The following ING2 variants were observed in gnomAD, a reference collection of about 807,000 sequenced individuals.
ING2 encodes inhibitor of growth protein 2.
ING2 carries 7 observed loss-of-function variants against 30.6 expected under a neutral mutation model. The observed-to-expected ratio is 0.23, with a 90% CI of 0.13 to 0.43. The LOEUF is 0.43. Among genes scored for constraint, ING2 ranks in the 20% least tolerant of loss-of-function variants. The pLI, the probability that ING2 is intolerant of heterozygous loss-of-function variation, is 1.00. For synonymous variants in ING2, 136 were observed against 121.7 expected (o/e 1.12, Z -0.78); for missense variants, 239 against 334.9 (o/e 0.71, Z 2.24).
intron 1 of ING2, among the ~76,000 whole-genome samples, chr4:183,507,483 A>C (rs1734679430): frequency 6.6e-6 from 1 of 152,240 alleles, no homozygotes; most frequent in Non-Finnish European, 1.5e-5. Flanking sequence ...GAGGGATACT[A>C]TAATTTGTTG....
At chr4:183,505,414 C>T in intron 1 of ING2, 47 bp downstream of exon 1, 2 of 1,491,236 alleles carry the variant, frequency 1.3e-6, no homozygotes, top group East Asian at 2.7e-5. Context: ...GGCGGGGAGC[C>T]TGTCCGGGGG....
chr4:183,505,190 G>A lies in ING2; in HGVS notation c.-6G>A. 16 of 1,595,728 alleles carry A rather than the reference G, an allele frequency of 1.0e-5. No homozygotes were observed. Among genetic ancestry groups the A allele is most frequent in the Non-Finnish European group, 1.4e-5 (16 of 1,172,878 alleles). ...GGAGGCGGCGGCGACGGCGCGGATC[G>A]GCAGGATGTTAGGGCAGCAGCAGCA... is the stretch of plus-strand genomic sequence containing the variant. On this transcript the variant is annotated 5_prime_UTR_variant, in exon 1 of 2. Coordinates refer to ENST00000302327, the MANE Select transcript of ING2 (RefSeq NM_001564.4).
At chr4:183,509,282 C>T (rs961229976) in intron 1 of ING2, among the ~76,000 whole-genome samples, 6 of 152,166 alleles carry the variant, frequency 3.9e-5, no homozygotes, top group Non-Finnish European at 5.9e-5. Flanking sequence ...TAATCTGTAG[C>T]CTAGTCCTGT....
At chr4:183,508,516 T>G (rs570763895) in intron 1 of ING2, among the ~76,000 whole-genome samples, 2 of 152,332 alleles carry the variant, frequency 1.3e-5, no homozygotes, top group South Asian at 4.1e-4. Context: ...GTAAGTACTC[T>G]GAACTGTGTG....
rs2111095040 is a variant in ING2 at position 183,511,371 on chromosome 4, T to C, written c.*419T>C. Among the ~76,000 whole-genome samples, 1 of 152,366 alleles carries C rather than the reference T, an allele frequency of 6.6e-6. No homozygotes were observed. The highest frequency in any genetic ancestry group is 2.4e-5 in the African/African-American group (1 of 41,586). On this transcript the variant is annotated 3_prime_UTR_variant, in exon 2 of 2. Coordinates refer to ENST00000302327, the MANE Select transcript of ING2 (RefSeq NM_001564.4). ...TCAAATGATCTTGGGTACTTTAAAA[T>C]ACAGACACTATGCCATTTGAGCTGC...
Position 183,510,602 on chromosome 4 carries a change from C to T in ING2, c.493C>T (p.His165Tyr). ...GACCAGTGAAAGCCGTGATTTATGT[C>T]ACATGGCAAATGGGATTGAAGACTG... is the stretch of plus-strand genomic sequence containing the variant. ...QRTSESRDLC[H>Y]MANGIEDCDD... Residue 165 changes from histidine (H) to tyrosine (Y), a missense_variant, in exon 2 of 2, where the codon CAC becomes TAC. His to Tyr is a moderately conservative substitution (Grantham distance 83). Around this residue, in one of 5 missense-constraint regions of ING2, gnomAD observed 115 missense variants for 120.1 expected, o/e 0.96. Transcript: ENST00000302327. The T allele has an allele frequency of 1.2e-6, 2 of 1,614,050 alleles. No individual in the cohort carries two copies. Among genetic ancestry groups the T allele is most frequent in the South Asian group, 2.2e-5 (2 of 91,080 alleles).
chr4:183,505,113 G>T lies in ING2; in HGVS notation c.-83G>T. 7.3e-7 allele frequency: 1 copy of T among 1,375,044 alleles called. No individual in the cohort carries two copies. The allele number at this position is 1,375,044 out of a possible 1,614,324, so 85.2% of individuals were successfully genotyped here. On this transcript the variant is annotated 5_prime_UTR_variant, in exon 1 of 2. Coordinates refer to ENST00000302327, the MANE Select transcript of ING2 (RefSeq NM_001564.4). ...GGGGTCCCCGCGGCGCCGGGCTGCT[G>T]AGCTGAGGGCCCGCGGCGGCCGCGG...
At chr4:183,506,307 T>A (rs751535086) in intron 1 of ING2, 2 of 1,304,010 alleles carry the variant, frequency 1.5e-6, no homozygotes, top group South Asian at 1.2e-5. Flanking sequence ...CCGTCGCGGA[T>A]CCTGGCTCCG....
At chr4:183,508,223 C>T (rs1734724180) in intron 1 of ING2, among the ~76,000 whole-genome samples, 1 of 152,006 alleles carries the variant, frequency 6.6e-6, no homozygotes, top group Non-Finnish European at 1.5e-5. Flanking sequence ...TTCTTGTCTT[C>T]TTTCACTATA....
Position 183,510,852 on chromosome 4 carries a change from A to C in ING2, c.743A>C (p.Lys248Thr). The C allele has an allele frequency of 6.2e-7, 1 of 1,614,198 alleles. No individual in the cohort carries two copies. The highest frequency in any genetic ancestry group is 8.5e-7 in the Non-Finnish European group (1 of 1,180,028). Residue 248 changes from lysine (K) to threonine (T), a missense_variant, in exon 2 of 2, where the codon AAA becomes ACA. This residue lies in a region of ING2 where 22 missense variants were observed against 77.0 expected (regional missense o/e 0.29). Transcript: ENST00000302327. ...FHFSCVSLTY[K>T]PKGKWYCPKC... ...TTTTCATGTGTTTCACTTACCTATA[A>C]ACCAAAGGGGAAATGGTATTGCCCA...
At chr4:183,507,728 T>C (rs925091020) in intron 1 of ING2, among the ~76,000 whole-genome samples, 3 of 152,228 alleles carry the variant, frequency 2.0e-5, no homozygotes, top group Non-Finnish European at 4.4e-5. Flanking sequence ...TTTTTATATC[T>C]TCACTAGTGC....
chr4:183,512,065 G>A lies in ING2; in HGVS notation c.*1113G>A, dbSNP rs1273136090. ...TTTCCAAGATTCTGATATTTGAAGG[G>A]TAAGCATCTTGATGGATATATGTCC... On this transcript the variant is annotated 3_prime_UTR_variant, in exon 2 of 2. Transcript: ENST00000302327. 6.6e-6 allele frequency among the ~76,000 whole-genome samples: 1 copy of A among 152,170 alleles called. No homozygotes were observed. The highest frequency in any genetic ancestry group is 1.5e-5 in the Non-Finnish European group (1 of 68,018).
chr4:183,506,095 G>T lies in ING2; in HGVS notation c.172+728G>T, dbSNP rs1177736746. 3 of 1,187,628 alleles carry T rather than the reference G, an allele frequency of 2.5e-6. No homozygotes were observed. In the African/African-American group the frequency reaches 4.9e-5, roughly 19 times the overall value. 73.6% of individuals were successfully genotyped at this position (1,187,628 alleles called of 1,614,324 possible). On this transcript the variant is annotated intron_variant, in intron 1 of 1. Transcript: ENST00000302327. ...TTGACGAGGGGCGTGGGAGGGGCGC[G>T]GCGCGCGTTCCCGCGGGCCTGGAAA...
chr4:183,509,201 C>G (rs781576105), intron 1 of ING2, among the ~76,000 whole-genome samples: 2 of 152,194 alleles, frequency 1.3e-5, no homozygotes, highest in Non-Finnish European at 2.9e-5. Context: ...GCTATATCTC[C>G]GGAGTCATGT....
chr4:183,508,961 C>T (rs1232332826), intron 1 of ING2, among the ~76,000 whole-genome samples: 1 of 152,152 alleles, frequency 6.6e-6, no homozygotes, highest in Non-Finnish European at 1.5e-5. Context: ...TCAGAAAGCT[C>T]AGAACCAACT....
chr4:183,505,429 C>T (rs1369135117), intron 1 of ING2, 62 bp downstream of exon 1: 7 of 1,404,234 alleles, frequency 5.0e-6, no homozygotes, highest in South Asian at 4.1e-5. Context: ...CGGGGGAGTG[C>T]CACCTTCCCT....
At chr4:183,507,956 C>T (rs924901684) in intron 1 of ING2, among the ~76,000 whole-genome samples, 1 of 152,026 alleles carries the variant, frequency 6.6e-6, no homozygotes, top group African/African-American at 2.4e-5. Context: ...AGTGTTCCCA[C>T]TCATAATTTC....
In ING2 at chr4:183,505,234, C is replaced by T. The variant is rs8872; in HGVS notation, c.39C>T (p.Ala13=). 0.78 allele frequency: 1,250,170 copies of T among 1,598,170 alleles called. 491,237 individuals carry two copies. Among genetic ancestry groups the T allele is most frequent in the Non-Finnish European group, 0.8 (944,491 of 1,173,704 alleles). The part of the protein sequence containing the change: ...GQQQQQLYSS[A]ALLTGERSRL... ...AGCAGCAGCAACTGTACTCGTCGGC[C>T]GCGCTCCTGACCGGGGAGCGGAGCC... The change falls in exon 1 of 2, where the codon GCC becomes GCT. Residue 13 remains alanine, a synonymous_variant. Transcript: ENST00000302327.
In ING2 at chr4:183,505,370, AGGAGCCGC is replaced by A; in HGVS notation, c.172+6_172+13del. ...AGAGCTGGACAACAAATATCAAGGT[AGGAGCCGC>A]GGGGCTGCCGGCCTCGGGAGCCGGT... On this transcript the variant is annotated splice_donor_5th_base_variant and intron_variant, in intron 1 of 1. Coordinates refer to ENST00000302327, the MANE Select transcript of ING2 (RefSeq NM_001564.4). The A allele has an allele frequency of 6.5e-7, 1 of 1,529,832 alleles. No homozygotes were observed. The highest frequency in any genetic ancestry group is 1.2e-5 in the South Asian group (1 of 82,876). The allele number at this position is 1,529,832 out of a possible 1,614,324, so 94.8% of individuals were successfully genotyped here. A position where few individuals can be genotyped will look rare whatever the true frequency, so the allele number is the denominator to read the frequency against.
Sources: gnomAD v4.1 joint callset for allele counts (sites outside exome capture counted in the v4.1 genomes callset) on GRCh38, gnomAD v4.1.1 for gene constraint, gnomAD v4.1.1 regional missense constraint, MANE v1.5 for transcripts, NCBI Gene and HGNC (gene_info 2026-07-23, HGNC 2026-07-21) for gene names.